Variants in WDR87 observed in about 807,000 individuals in gnomAD.
WDR87 encodes WD repeat-containing protein 87.
Under a neutral mutation model 83.3 loss-of-function variants are expected in WDR87, and 56 were observed. The ratio of observed to expected loss-of-function variants is 0.67; its 90% CI spans 0.54 to 0.84. The LOEUF (loss-of-function observed/expected upper bound fraction) is 0.84, where lower values mean the gene tolerates loss of function less well. Ranked by LOEUF, WDR87 falls within the 40% of genes least tolerant of loss-of-function variation. WDR87 has a pLI of 0.00. For synonymous variants in WDR87, 1,173 were observed against 1,250.6 expected (o/e 0.94, Z 1.31); for missense variants, 2,939 against 3,431.9 (o/e 0.86, Z 3.59).
In WDR87 at chr19:37,885,087, C is replaced by T. The variant is rs2145413881; in HGVS notation, c.8584G>A (p.Gly2862Ser). 2.0e-6 allele frequency: 3 copies of T among 1,464,786 alleles called. No homozygotes were observed. Among genetic ancestry groups the T allele is most frequent in the African/African-American group, 1.4e-5 (1 of 70,112 alleles). The allele number at this position is 1,464,786 out of a possible 1,614,324, so 90.7% of individuals were successfully genotyped here. A position where few individuals can be genotyped will look rare whatever the true frequency, so the allele number is the denominator to read the frequency against. Residue 2862 changes from glycine (G) to serine (S), a missense_variant, in exon 6 of 6, where the codon GGT becomes AGT. Gly to Ser is a moderately conservative substitution (Grantham distance 56). This residue lies in a region of WDR87 where 2,160 missense variants were observed against 2,533.1 expected (regional missense o/e 0.85). Coordinates refer to ENST00000447313, the MANE Select transcript of WDR87 (RefSeq NM_001291088.2). ...HTPRSPQEFQ[G>S]AVPLPWQNCV... is the part of the protein sequence containing the mutation. The stretch of plus-strand genomic sequence containing the variant: ...TTCTGCCATGGGAGGGGTACCGCAC[C>T]CTGGAACTCCTGAGGACTTCTAGGA...
intron 1 of WDR87, among the ~76,000 whole-genome samples, chr19:37,906,106 G>A (rs1364739962): frequency 6.6e-6 from 1 of 152,158 alleles, no homozygotes; most frequent in Non-Finnish European, 1.5e-5. Context: ...ATTGACTCCG[G>A]CTTCTCCACC....
chr19:37,897,796 G>C (rs1042882503), intron 2 of WDR87, among the ~76,000 whole-genome samples: 2 of 152,150 alleles, frequency 1.3e-5, no homozygotes, highest in African/African-American at 4.8e-5. Context: ...GCTGAGGCAG[G>C]AGAATTGCTT....
At chr19:37,904,363 T>C (rs1453454537) in intron 1 of WDR87, among the ~76,000 whole-genome samples, 8 of 146,062 alleles carry the variant, frequency 5.5e-5, no homozygotes. Context: ...TGTGTGTGCT[T>C]TTTTTTTTTT....
chr19:37,900,040 A>G (rs1471979482), intron 1 of WDR87, among the ~76,000 whole-genome samples: 1 of 152,234 alleles, frequency 6.6e-6, no homozygotes, highest in East Asian at 1.9e-4. Flanking sequence ...TATGCCACAG[A>G]GACTTGCTCA....
At chr19:37,891,432 A>C in intron 5 of WDR87, 120 bp downstream of exon 5, 3 of 1,305,654 alleles carry the variant, frequency 2.3e-6, no homozygotes, top group Non-Finnish European at 3.1e-6. Context: ...CCAGTGCTGG[A>C]ATTACAGGCA....
At position 37,888,204 on chromosome 19, in the gene WDR87, G is replaced by A; in HGVS notation, c.5467C>T (p.Leu1823=). The change falls in exon 6 of 6, where the codon CTG becomes TTG. Residue 1823 remains leucine (L), a synonymous_variant. Transcript: ENST00000447313. The part of the protein sequence containing the change: ...EELLIQEKEK[L]AQHKEKMPEE... ...GGCATTTTTTCCTTGTGCTGGGCCA[G>A]TTTCTCCTTTTCCTGGATCAGCAAC... The A allele has an allele frequency of 2.6e-6, 4 of 1,552,114 alleles. No homozygotes were observed. The highest frequency in any genetic ancestry group is 3.5e-6 in the Non-Finnish European group (4 of 1,147,126).
rs961074460 is a variant in WDR87, at chr19:37,889,946, T to C, written c.3725A>G (p.Asn1242Ser). 27 of 1,551,602 alleles carry C rather than the reference T, an allele frequency of 1.7e-5. No individual in the cohort carries two copies. Among genetic ancestry groups the C allele is most frequent in the Non-Finnish European group, 2.4e-5 (27 of 1,147,000 alleles). ...KKKGKEAKVI[N>S]EETTPPVMEQ... ...CATTACAGGAGGTGTAGTTTCCTCA[T>C]TTATAACTTTGGCTTCTTTTCCCTT... is the stretch of plus-strand genomic sequence containing the variant. Residue 1242 changes from asparagine to serine, a missense_variant, in exon 6 of 6, where the codon AAT becomes AGT. Around this residue, in one of 3 missense-constraint regions of WDR87, gnomAD observed 2,160 missense variants for 2,533.1 expected, o/e 0.85. Coordinates refer to ENST00000447313, the MANE Select transcript of WDR87 (RefSeq NM_001291088.2).
chr19:37,904,265 G>GA (rs2046310009), intron 1 of WDR87, among the ~76,000 whole-genome samples: 3 of 151,528 alleles, frequency 2.0e-5, no homozygotes, highest in Admixed American at 6.6e-5. Flanking sequence ...GCAGGTAAGG[G>GA]AAAAAAAGTC....
chr19:37,885,609 C>G lies in WDR87; in HGVS notation c.8062G>C (p.Glu2688Gln). ...WHLLGEPYRSERAQQISIAHK... is the reference protein window; with the variant it reads ...WHLLGEPYRSQRAQQISIAHK... Reference sequence around the variant, plus strand: ...GCAATGGATATCTGCTGTGCCCTCTCACTTCTGTAAGGTTCTCCTAGAAGA... The same window carrying G: ...GCAATGGATATCTGCTGTGCCCTCTGACTTCTGTAAGGTTCTCCTAGAAGA... The change falls in exon 6 of 6, where the codon GAG (glutamate) becomes CAG (glutamine). Residue 2688 changes from glutamate to glutamine, a missense_variant. Around this residue, in one of 3 missense-constraint regions of WDR87, gnomAD observed 2,160 missense variants for 2,533.1 expected, o/e 0.85. Coordinates refer to ENST00000447313, the MANE Select transcript of WDR87 (RefSeq NM_001291088.2). The G allele has an allele frequency of 1.3e-6, 2 of 1,551,768 alleles. No homozygotes were observed. The highest frequency in any genetic ancestry group is 1.7e-6 in the Non-Finnish European group (2 of 1,147,022).
intron 5 of WDR87, among the ~76,000 whole-genome samples, chr19:37,891,135 C>T (rs2046200945): frequency 6.6e-6 from 1 of 151,100 alleles, no homozygotes; most frequent in African/African-American, 2.4e-5. Flanking sequence ...TGAGATCTTT[C>T]CACTTATCTC....
At chr19:37,899,857 TTTGGCTTCCCAAAGAC>T (rs1408487124) in intron 1 of WDR87, among the ~76,000 whole-genome samples, 1 of 152,206 alleles carries the variant, frequency 6.6e-6, no homozygotes, top group Admixed American at 6.5e-5. Flanking sequence ...GGCCTCAAGC[TTTGGCTTCCCAAAGAC>T]TTGGCTTCCC....
Position 37,888,797 on chromosome 19 carries a change from T to A in WDR87, c.4874A>T (p.Lys1625Ile). Residue 1625 changes from lysine (K) to isoleucine (I), a missense_variant, in exon 6 of 6, where the codon AAA (lysine) becomes ATA (isoleucine). By Grantham distance (102) the Lys-to-Ile change is moderately radical. Coordinates refer to ENST00000447313, the MANE Select transcript of WDR87 (RefSeq NM_001291088.2). ...TTTCCTCTCTTCTTGGGCTCGTTTTTTTTCAGCTCGGGCTCGTTTCCTGTG... is the reference window on the plus strand; with the variant it reads ...TTTCCTCTCTTCTTGGGCTCGTTTTATTTCAGCTCGGGCTCGTTTCCTGTG... Reference protein sequence around the residue: ...RIHRKRARAEKKRAQEERKLA... With the variant: ...RIHRKRARAEIKRAQEERKLA... The A allele has an allele frequency of 6.4e-7, 1 of 1,551,810 alleles. No individual in the cohort carries two copies. The highest frequency in any genetic ancestry group is 8.7e-7 in the Non-Finnish European group (1 of 1,147,014).
intron 1 of WDR87, among the ~76,000 whole-genome samples, chr19:37,900,434 G>T (rs760018409): frequency 1.3e-5 from 2 of 151,502 alleles, no homozygotes; most frequent in Non-Finnish European, 2.9e-5. Context: ...GGTGATGGGC[G>T]CCTGTAACTC....
rs2046136148 is a variant in WDR87 at position 37,885,541 on chromosome 19, T to C, written c.8130A>G (p.Arg2710=). 1 of 1,551,616 alleles carries C rather than the reference T, an allele frequency of 6.4e-7. No homozygotes were observed. The highest frequency in any genetic ancestry group is 8.7e-7 in the Non-Finnish European group (1 of 1,147,010). The change falls in exon 6 of 6, where the codon AGA becomes AGG. Residue 2710 remains arginine (R), a synonymous_variant. Coordinates refer to ENST00000447313, the MANE Select transcript of WDR87 (RefSeq NM_001291088.2). ...AGGCATGGGCACTTGGAAAAATGTC[T>C]CTGGTGGCAGGATAAAAGTATTGCA... The part of the protein sequence containing the change: ...MEMQYFYPAT[R]DIFPSAHASV...
rs1024459817 is a variant in WDR87, at chr19:37,895,346, A to C, written c.357T>G (p.His119Gln). ...GGTCACCACAGTAGACCACGAGGAT[A>C]TGAAAGGAGCCTGCATGGACCATGG... The part of the protein sequence containing the change: ...IQSMVHAGSF[H>Q]ILVVYCGDLI... Residue 119 changes from histidine to glutamine, a missense_variant, in exon 4 of 6, where the codon CAT (histidine) becomes CAG (glutamine). By Grantham distance (24) the His-to-Gln change is conservative. Around this residue, in one of 3 missense-constraint regions of WDR87, gnomAD observed 226 missense variants for 320.9 expected, o/e 0.70. Transcript: ENST00000447313. The C allele has an allele frequency of 1.7e-5, 27 of 1,551,652 alleles. No individual in the cohort carries two copies. Among genetic ancestry groups the C allele is most frequent in the Non-Finnish European group, 2.3e-5 (26 of 1,147,024 alleles).
chr19:37,891,881 A>G (rs533731707), intron 4 of WDR87, 61 bp from the exon 5 acceptor site: 1 of 1,518,488 alleles, frequency 6.6e-7, no homozygotes, highest in Non-Finnish European at 8.8e-7. Flanking sequence ...GAGAATGGGA[A>G]GCAAAAAACG....
chr19:37,891,468 C>T, intron 5 of WDR87, 84 bp downstream of exon 5: 1 of 1,481,784 alleles, frequency 6.7e-7, no homozygotes, highest in South Asian at 1.4e-5. Context: ...CGCCAGCCCA[C>T]CTAGTATCTC....
At chr19:37,905,475 T>C (rs2046320141) in intron 1 of WDR87, among the ~76,000 whole-genome samples, 1 of 149,380 alleles carries the variant, frequency 6.7e-6, no homozygotes, top group Admixed American at 6.7e-5. Flanking sequence ...TAAATAATAA[T>C]GATAAATAAA....
chr19:37,905,387 T>C (rs1475821865), intron 1 of WDR87, among the ~76,000 whole-genome samples: 1 of 152,066 alleles, frequency 6.6e-6, no homozygotes, highest in Non-Finnish European at 1.5e-5. Flanking sequence ...CCCAGCACTT[T>C]GCGAGGCTGA....
Sources: gnomAD v4.1 joint callset for allele counts (sites outside exome capture counted in the v4.1 genomes callset) on GRCh38, gnomAD v4.1.1 for gene constraint, gnomAD v4.1.1 regional missense constraint, MANE v1.5 for transcripts, NCBI Gene and HGNC (gene_info 2026-07-23, HGNC 2026-07-21) for gene names.